The following SLC9C1 variants were observed in gnomAD, a reference collection of about 807,000 sequenced individuals.
SLC9C1 encodes the protein solute carrier family 9 member C1, also known as sodium/hydrogen exchanger 10.
SLC9C1 carries 97 observed loss-of-function variants against 140.9 expected under a neutral mutation model. The ratio of observed to expected loss-of-function variants is 0.69; its 90% confidence interval spans 0.58 to 0.82. The LOEUF (loss-of-function observed/expected upper bound fraction) is 0.82. Among genes scored for constraint, SLC9C1 ranks in the 40% least tolerant of loss-of-function variants. The pLI is 0.00. For missense variants in SLC9C1, 1,340 were observed against 1,389.3 expected, an observed-to-expected ratio of 0.96 and a Z score of 0.56; for synonymous variants, 440 against 442.6, an observed-to-expected ratio of 0.99 and a Z score of 0.07.
At position 112,202,364 on chromosome 3, in the gene SLC9C1, T is replaced by G; in HGVS notation, c.2208A>C (p.Lys736Asn). 3.1e-6 allele frequency: 5 copies of G among 1,606,670 alleles called. No homozygotes were observed. The East Asian group carries it at 1.1e-4, about 36-fold the overall frequency. Residue 736 changes from lysine to asparagine, a missense_variant, in exon 18 of 29, where the codon AAA (lysine) becomes AAC (asparagine). Physicochemically the swap from Lys to Asn is moderately conservative, Grantham distance 94 (BLOSUM62 0). Coordinates refer to ENST00000305815, the MANE Select transcript of SLC9C1 (RefSeq NM_183061.3). ...AAAAGGTCTTCTGATGACTCATTCT[T>G]TTATCTATTATTTGCAGCAACTTTG... ...IAPKLLQIID[K>N]RMSHQKTFWY...
intron 12 of SLC9C1, among the ~76,000 whole-genome samples, chr3:112,236,273 T>G (rs1018146928): frequency 2.0e-5 from 3 of 152,224 alleles, no homozygotes; most frequent in African/African-American, 7.2e-5. Flanking sequence ...GTTTATGGTA[T>G]TCTCTGATGG....
chr3:112,283,160 T>C (rs1001524045), intron 2 of SLC9C1, among the ~76,000 whole-genome samples: 10 of 152,120 alleles, frequency 6.6e-5, no homozygotes, highest in Admixed American at 2.0e-4. Context: ...CTCAAGACTA[T>C]TGAAATGAGG....
At chr3:112,146,809 A>T (rs577306711) in intron 28 of SLC9C1, among the ~76,000 whole-genome samples, 1 of 152,140 alleles carries the variant, frequency 6.6e-6, no homozygotes, top group Non-Finnish European at 1.5e-5. Flanking sequence ...TATTCTGTAG[A>T]TGTCTATTAG....
At chr3:112,294,044 T>TA (rs2080766307) in intron 1 of SLC9C1, 49 bp downstream of exon 1, 1 of 151,956 alleles carries the variant, frequency 6.6e-6, no homozygotes. Flanking sequence ...AAAGTACCAG[T>TA]AGGAAAGGTC....
rs775935266 is a variant in SLC9C1, at chr3:112,204,267, ATTAC to A, written c.2119_2122del (p.Val707Ter). 2.0e-6 allele frequency: 3 copies of A among 1,537,210 alleles called. No homozygotes were observed. The highest frequency in any genetic ancestry group is 2.6e-6 in the Non-Finnish European group (3 of 1,151,258). On this transcript the variant is annotated frameshift_variant, in exon 17 of 29. Coordinates refer to ENST00000305815, the MANE Select transcript of SLC9C1 (RefSeq NM_183061.3). LOFTEE classifies it high-confidence loss of function. ...AAATTGAACAACTTTTATAAAGACT[ATTAC>A]TTCAGTCTCATTAAAAATATACTTA...
At chr3:112,176,708 C>A (rs1007709729) in intron 23 of SLC9C1, among the ~76,000 whole-genome samples, 1 of 152,290 alleles carries the variant, frequency 6.6e-6, no homozygotes, top group East Asian at 1.9e-4. Context: ...TCTGATCACA[C>A]TGAGCTTGTA....
intron 6 of SLC9C1, among the ~76,000 whole-genome samples, chr3:112,272,847 A>C (rs2080113381): frequency 6.6e-6 from 1 of 152,198 alleles, no homozygotes; most frequent in Non-Finnish European, 1.5e-5. Flanking sequence ...CCTAGAATAG[A>C]AATTCTCACA....
At chr3:112,277,128 CTTTTTA>C (rs2108335408) in intron 5 of SLC9C1, among the ~76,000 whole-genome samples, 1 of 151,946 alleles carries the variant, frequency 6.6e-6, no homozygotes, top group African/African-American at 2.4e-5. Context: ...TTGCATGAGG[CTTTTTA>C]TTTTTGTTTT....
Position 112,179,720 on chromosome 3 carries a change from A to T in SLC9C1, c.2749-19T>A, listed in dbSNP as rs757532728. On this transcript the variant is annotated intron_variant, in intron 22 of 28. Coordinates refer to ENST00000305815, the MANE Select transcript of SLC9C1 (RefSeq NM_183061.3). ...TTTCAAGCTGTTCAGGAACAAAGAA[A>T]GAGAAAAATACATATGCCAGTTAAC... The T allele has an allele frequency of 6.4e-7, 1 of 1,562,856 alleles. No homozygotes were observed. The highest frequency in any genetic ancestry group is 8.6e-7 in the Non-Finnish European group (1 of 1,162,594).
At chr3:112,216,561 C>T (rs924939141) in intron 15 of SLC9C1, among the ~76,000 whole-genome samples, 1 of 151,536 alleles carries the variant, frequency 6.6e-6, no homozygotes, top group African/African-American at 2.4e-5. Flanking sequence ...TGAACAGACA[C>T]TTCTCAAAAG....
chr3:112,255,440 C>T (rs2108271637), intron 10 of SLC9C1, among the ~76,000 whole-genome samples: 1 of 152,176 alleles, frequency 6.6e-6, no homozygotes, highest in South Asian at 2.1e-4. Context: ...TACTCAAAAC[C>T]ATCCAATTAC....
chr3:112,201,506 A>T (rs756794651), intron 18 of SLC9C1, among the ~76,000 whole-genome samples: 36 of 152,092 alleles, frequency 2.4e-4, no homozygotes, highest in Non-Finnish European at 5.0e-4. Flanking sequence ...TTTTGGGCAC[A>T]TAAAATATAG....
intron 10 of SLC9C1, among the ~76,000 whole-genome samples, chr3:112,245,911 T>A (rs546644933): frequency 2.0e-5 from 3 of 152,296 alleles, no homozygotes; most frequent in Admixed American, 2.0e-4. Flanking sequence ...GAAAGAAGCC[T>A]CTAACTTGGC....
At chr3:112,269,458 A>T (rs10934160) in intron 7 of SLC9C1, among the ~76,000 whole-genome samples, 44,870 of 151,852 alleles carry the variant, frequency 0.3, 7,141 homozygotes, top group East Asian at 0.42. Flanking sequence ...ATCATGTTTG[A>T]ACAATGTTTG....
intron 15 of SLC9C1, among the ~76,000 whole-genome samples, chr3:112,214,477 A>G (rs897324546): frequency 5.9e-5 from 9 of 152,200 alleles, no homozygotes; most frequent in Admixed American, 4.6e-4. Context: ...ACTAATAAAG[A>G]GGAAAAGACA....
At chr3:112,152,670 C>T (rs1439954773) in intron 27 of SLC9C1, among the ~76,000 whole-genome samples, 1 of 152,082 alleles carries the variant, frequency 6.6e-6, no homozygotes, top group Admixed American at 6.6e-5. Context: ...TGGACAATAC[C>T]CAGGCTTTCT....
In SLC9C1 at chr3:112,208,265, T is replaced by C; in HGVS notation, c.1899A>G (p.Ile633Met). 6.2e-7 allele frequency: 1 copy of C among 1,611,518 alleles called. No homozygotes were observed. Among genetic ancestry groups the C allele is most frequent in the Non-Finnish European group, 8.5e-7 (1 of 1,178,488 alleles). The change falls in exon 16 of 29, where the codon ATA becomes ATG. Residue 633 changes from isoleucine (I) to methionine (M), a missense_variant. Coordinates refer to ENST00000305815, the MANE Select transcript of SLC9C1 (RefSeq NM_183061.3). ...TGTGGTAGATTACATTTAACTGGGA[T>C]ATCCAAGAGATTATAAAGGGAAATA... ...MNIFPFIISWISQLNVIYHSE... is the reference protein window; with the variant it reads ...MNIFPFIISWMSQLNVIYHSE...
chr3:112,223,925 A>G (rs1343004682), intron 13 of SLC9C1, among the ~76,000 whole-genome samples: 2 of 152,212 alleles, frequency 1.3e-5, no homozygotes, highest in Non-Finnish European at 2.9e-5. Context: ...CAAAATGTCA[A>G]GTGAAGCAGC....
intron 26 of SLC9C1, among the ~76,000 whole-genome samples, chr3:112,166,874 T>C (rs1010840245): frequency 6.6e-6 from 1 of 152,172 alleles, no homozygotes; most frequent in Non-Finnish European, 1.5e-5. Context: ...ATTCATCTAG[T>C]TCCAGTGATT....
Sources: allele counts gnomAD v4.1 joint callset (sites outside exome capture counted in the v4.1 genomes callset), GRCh38; gene constraint gnomAD v4.1.1; transcripts MANE v1.5; gene names NCBI Gene and HGNC (gene_info 2026-07-23, HGNC 2026-07-21).